RASGRP1: variants seen among roughly 807,000 people sequenced by gnomAD.
RASGRP1 encodes RAS guanyl releasing protein 1, also known as RAS guanyl-releasing protein 1.
A neutral mutation model predicts 95.1 loss-of-function variants in RASGRP1; 37 were observed. The ratio of observed to expected loss-of-function variants is 0.39; its 90% CI spans 0.30 to 0.51. The LOEUF is 0.51. RASGRP1 is among the 20% of genes least tolerant of loss of function. The pLI, the probability that RASGRP1 is intolerant of heterozygous loss-of-function variation, is 0.80. For synonymous variants in RASGRP1, 325 were observed against 353.4 expected, an observed-to-expected ratio of 0.92 and a Z score of 0.90; for missense variants, 711 against 965.4, an observed-to-expected ratio of 0.74 and a Z score of 3.49.
chr15:38,564,569 G>T, intron 1 of RASGRP1, 25 bp downstream of exon 1: 1 of 1,367,678 alleles, frequency 7.3e-7, no homozygotes, highest in Non-Finnish European at 9.5e-7. Flanking sequence ...AGGCGCTCCC[G>T]AGGGCCACGG....
chr15:38,518,726 T>C (rs564136046), intron 4 of RASGRP1, among the ~76,000 whole-genome samples: 1 of 152,328 alleles, frequency 6.6e-6, no homozygotes, highest in South Asian at 2.1e-4. Flanking sequence ...GAGAGAACTA[T>C]AGATAAACCA....
intron 16 of RASGRP1, among the ~76,000 whole-genome samples, chr15:38,493,881 T>C (rs1890691862): frequency 6.6e-6 from 1 of 152,186 alleles, no homozygotes. Context: ...TAACTTCTCT[T>C]AGGAAGATGC....
chr15:38,545,469 G>A (rs1176473564), intron 2 of RASGRP1, among the ~76,000 whole-genome samples: 1 of 151,488 alleles, frequency 6.6e-6, no homozygotes, highest in East Asian at 1.9e-4. Flanking sequence ...CTCCAACCCT[G>A]TGGCCACAGT....
rs1893735560 is a variant in RASGRP1 at position 38,559,906 on chromosome 15, G to A, written c.135C>T (p.Thr45=). The A allele has an allele frequency of 6.2e-7, 1 of 1,613,800 alleles. No homozygotes were observed. ...CCAGAGACACCATCATTCGGAACTG[G>A]GTGATGTGGGCCAAGCTGGGATGGG... is the stretch of plus-strand genomic sequence containing the variant. ...FPSHPSLAHI[T]QFRMMVSLGH... is the part of the protein sequence containing the mutation. Residue 45 remains threonine (T), a synonymous_variant, in exon 2 of 17, where the codon ACC becomes ACT. Transcript: ENST00000310803.
intron 2 of RASGRP1, among the ~76,000 whole-genome samples, chr15:38,544,867 T>C (rs1334085791): frequency 6.6e-6 from 1 of 152,248 alleles, no homozygotes; most frequent in Non-Finnish European, 1.5e-5. Context: ...TTATCCACAA[T>C]CACATGTCTG....
chr15:38,514,275 G>A lies in RASGRP1; in HGVS notation c.676-1319C>T, dbSNP rs149322849. Among the ~76,000 whole-genome samples the A allele has an allele frequency of 2.1e-4, 32 of 152,082 alleles. 1 individual carries two copies. The highest frequency in any genetic ancestry group is 7.5e-4 in the African/African-American group (31 of 41,478). ...CTGATGGGTGGAAAACCTATGAGTAGGACCAAAATCGCTCCTTAAGAGAGA... is the reference window on the plus strand; with the variant it reads ...CTGATGGGTGGAAAACCTATGAGTAAGACCAAAATCGCTCCTTAAGAGAGA... On this transcript the variant is annotated intron_variant, in intron 6 of 16. Transcript: ENST00000310803.
rs199551123 is a variant in RASGRP1 at position 38,501,857 on chromosome 15, G to GTTT, written c.1538+452_1538+454dup. ...TTATGGAATGTTCAATTCAGTTTTT[G>GTTT]TTTTTTTTTTTTTTGAGACAGGTTT... On this transcript the variant is annotated intron_variant, in intron 12 of 16. Transcript: ENST00000310803. Among the ~76,000 whole-genome samples the GTTT allele has an allele frequency of 8.9e-3, 1,251 of 140,918 alleles. 32 individuals carry two copies. Among genetic ancestry groups the GTTT allele is most frequent in the Admixed American group, 0.054 (764 of 14,214 alleles). 92.4% of individuals were successfully genotyped at this position (140,918 alleles called of 152,430 possible). A position where few individuals can be genotyped will look rare whatever the true frequency, so the allele number is the denominator to read the frequency against.
chr15:38,556,915 G>T (rs1003719077), intron 2 of RASGRP1, among the ~76,000 whole-genome samples: 1 of 151,938 alleles, frequency 6.6e-6, no homozygotes, highest in Non-Finnish European at 1.5e-5. Flanking sequence ...CTGAAATTAC[G>T]GTCTGAGGCA....
rs141712959 is a variant in RASGRP1 at position 38,538,758 on chromosome 15, C to T, written c.221-12354G>A. Among the ~76,000 whole-genome samples the T allele has an allele frequency of 4.0e-3, 608 of 152,290 alleles. 5 individuals are homozygous for T. The highest frequency in any genetic ancestry group is 0.014 in the African/African-American group (575 of 41,574). On this transcript the variant is annotated intron_variant, in intron 2 of 16. Transcript: ENST00000310803. ...AGAATGAGAGCTTCATAATGTCTTA[C>T]GCCCACCCCTTCCAACAGAGAGATA...
intron 16 of RASGRP1, 93 bp downstream of exon 16, chr15:38,494,274 ACTGCTTGTAATCAGC>A: frequency 1.4e-6 from 2 of 1,418,928 alleles, no homozygotes; most frequent in African/African-American, 2.8e-5. Flanking sequence ...TTTGTTTTAG[ACTGCTTGTAATCAGC>A]CTGATCTGAA....
chr15:38,515,989 GGAA>G (rs570318062), intron 6 of RASGRP1, among the ~76,000 whole-genome samples: 30 of 151,794 alleles, frequency 2.0e-4, no homozygotes, highest in Non-Finnish European at 4.4e-4. Flanking sequence ...GCGGGGGCAT[GGAA>G]GAAGAGAGAT....
At chr15:38,523,159 A>G (rs1595856067) in intron 3 of RASGRP1, among the ~76,000 whole-genome samples, 1 of 152,300 alleles carries the variant, frequency 6.6e-6, no homozygotes, top group East Asian at 1.9e-4. Context: ...AATAGATACT[A>G]ACACTATTAA....
At chr15:38,538,306 C>G (rs981519098) in intron 2 of RASGRP1, among the ~76,000 whole-genome samples, 2 of 152,094 alleles carry the variant, frequency 1.3e-5, no homozygotes, top group African/African-American at 4.8e-5. Flanking sequence ...TCAGAACATC[C>G]TAAGTCATGA....
intron 2 of RASGRP1, among the ~76,000 whole-genome samples, chr15:38,536,442 G>A (rs941279904): frequency 2.0e-5 from 3 of 152,230 alleles, no homozygotes; most frequent in Non-Finnish European, 4.4e-5. Context: ...TTTGTATCAC[G>A]TCATTCTTAT....
chr15:38,502,252 C>G, intron 12 of RASGRP1, 60 bp downstream of exon 12: 1 of 1,216,498 alleles, frequency 8.2e-7, no homozygotes, highest in Non-Finnish European at 1.2e-6. Flanking sequence ...AGTGACATAC[C>G]TATAAACCTA....
At chr15:38,510,249 C>G (rs925409199) in intron 8 of RASGRP1, among the ~76,000 whole-genome samples, 1 of 152,342 alleles carries the variant, frequency 6.6e-6, no homozygotes, top group South Asian at 2.1e-4. Context: ...AGCTAAATGA[C>G]ATGAAGGCTT....
At chr15:38,564,490 C>T (rs1893951441) in intron 1 of RASGRP1, 104 bp downstream of exon 1, 6 of 1,154,548 alleles carry the variant, frequency 5.2e-6, no homozygotes, top group Non-Finnish European at 6.6e-6. Flanking sequence ...ACCCCGGCCC[C>T]CCTCCGCCCT....
At chr15:38,544,719 A>G (rs970290325) in intron 2 of RASGRP1, among the ~76,000 whole-genome samples, 1 of 152,264 alleles carries the variant, frequency 6.6e-6, no homozygotes, top group African/African-American at 2.4e-5. Context: ...ATTCTGTTGC[A>G]GCAGCAGAAA....
intron 6 of RASGRP1, among the ~76,000 whole-genome samples, chr15:38,513,901 G>A (rs759777468): frequency 4.6e-5 from 7 of 152,186 alleles, no homozygotes; most frequent in African/African-American, 9.7e-5. Context: ...GAGTGGAAGC[G>A]ATGTAACTTT....
Sources: gnomAD v4.1 joint callset for allele counts (sites outside exome capture counted in the v4.1 genomes callset) on GRCh38, gnomAD v4.1.1 for gene constraint, MANE v1.5 for transcripts, NCBI Gene and HGNC (gene_info 2026-07-23, HGNC 2026-07-21) for gene names.